PTPRQ: variants seen among roughly 807,000 people sequenced by gnomAD.
PTPRQ encodes the protein protein tyrosine phosphatase receptor type Q, also known as phosphatidylinositol phosphatase PTPRQ.
A neutral mutation model predicts 246.0 loss-of-function variants in PTPRQ; 199 were observed. The ratio of observed to expected loss-of-function variants is 0.81; its 90% CI spans 0.72 to 0.91. The LOEUF is 0.91. Among genes scored for constraint, PTPRQ ranks in the 40% least tolerant of loss-of-function variants. The probability of loss-of-function intolerance (pLI) is 0.00; values close to 1 mark genes in which losing one functional copy is unlikely to be tolerated. For synonymous variants in PTPRQ, 869 were observed against 853.2 expected, an observed-to-expected ratio of 1.02 and a Z score of -0.32; for missense variants, 2,624 against 2,528.4, an observed-to-expected ratio of 1.04 and a Z score of -0.81.
At chr12:80,577,317 T>C (rs1458840047) in intron 25 of PTPRQ, among the ~76,000 whole-genome samples, 1 of 151,886 alleles carries the variant, frequency 6.6e-6, no homozygotes, top group Non-Finnish European at 1.5e-5. Context: ...AACACCTCCT[T>C]CTTCACATGG....
rs1402877062 is a variant in PTPRQ at position 80,450,168 on chromosome 12, GCTCT to G, written c.390+4454_390+4457del. 2.0e-5 allele frequency among the ~76,000 whole-genome samples: 3 copies of G among 151,858 alleles called. No individual in the cohort carries two copies. In the East Asian group the frequency reaches 5.8e-4, roughly 29 times the overall value. On this transcript the variant is annotated intron_variant, in intron 3 of 44. Transcript: ENST00000644991. ...TGAATGGGAGTTCACTCATGATTTG[GCTCT>G]CTGTTTGTCTGTTATTGGTGTATAA...
chr12:80,641,499 T>C (rs1020279391), intron 35 of PTPRQ, among the ~76,000 whole-genome samples: 5 of 152,246 alleles, frequency 3.3e-5, no homozygotes, highest in Non-Finnish European at 5.9e-5. Flanking sequence ...AAGCCCGGTC[T>C]ATTTCTAATC....
At chr12:80,457,184 ACT>A (rs1216072571) in intron 3 of PTPRQ, among the ~76,000 whole-genome samples, 1 of 151,998 alleles carries the variant, frequency 6.6e-6, no homozygotes, top group Non-Finnish European at 1.5e-5. Flanking sequence ...TAGATTGTGA[ACT>A]CTAAATTAAG....
chr12:80,647,252 A>C (rs147685186), intron 35 of PTPRQ, among the ~76,000 whole-genome samples: 12 of 152,296 alleles, frequency 7.9e-5, no homozygotes, highest in Admixed American at 3.9e-4. Flanking sequence ...ACAATGGAAT[A>C]ATATTTGCTG....
At chr12:80,511,005 A>T (rs1159339932) in intron 17 of PTPRQ, among the ~76,000 whole-genome samples, 3 of 152,202 alleles carry the variant, frequency 2.0e-5, no homozygotes. Context: ...CTTCATGAGA[A>T]CTTGGTAGAT....
intron 38 of PTPRQ, among the ~76,000 whole-genome samples, chr12:80,653,683 A>G (rs1250983543): frequency 6.6e-6 from 1 of 152,172 alleles, no homozygotes; most frequent in African/African-American, 2.4e-5. Context: ...TTCTTTCTAG[A>G]AAGACGTAGA....
intron 35 of PTPRQ, among the ~76,000 whole-genome samples, chr12:80,646,052 C>T (rs1034199642): frequency 1.1e-4 from 16 of 152,000 alleles, no homozygotes; most frequent in African/African-American, 1.9e-4. Context: ...GTCTATCCAT[C>T]TTTGAGTAAA....
chr12:80,522,251 G>A (rs563100500), intron 17 of PTPRQ, among the ~76,000 whole-genome samples: 2 of 152,316 alleles, frequency 1.3e-5, no homozygotes, highest in East Asian at 3.9e-4. Flanking sequence ...ATCAGCTTAA[G>A]GAGACTTTGG....
chr12:80,619,707 T>C (rs1417922792), intron 31 of PTPRQ, among the ~76,000 whole-genome samples, 165 bp downstream of exon 31: 1 of 148,368 alleles, frequency 6.7e-6, no homozygotes, highest in Non-Finnish European at 1.5e-5. Context: ...TCTTTGTAAA[T>C]AAATAAATTA....
intron 17 of PTPRQ, among the ~76,000 whole-genome samples, chr12:80,527,309 A>T (rs1895716057): frequency 6.6e-6 from 1 of 152,136 alleles, no homozygotes; most frequent in Admixed American, 6.6e-5. Context: ...AATTTAATTT[A>T]CACCAAAGTT....
chr12:80,632,785 G>A (rs920901869), intron 34 of PTPRQ, among the ~76,000 whole-genome samples: 3 of 152,178 alleles, frequency 2.0e-5, no homozygotes, highest in Admixed American at 6.5e-5. Flanking sequence ...GAGCTGTTCC[G>A]TAGAAGCTAC....
At chr12:80,575,872 A>AAAAG (rs1565796029) in intron 25 of PTPRQ, among the ~76,000 whole-genome samples, 50 of 151,382 alleles carry the variant, frequency 3.3e-4, no homozygotes, top group African/African-American at 1.1e-3. Context: ...AAAGAAAAAG[A>AAAAG]AAAAGAAAAG....
intron 7 of PTPRQ, among the ~76,000 whole-genome samples, chr12:80,469,089 C>T (rs2120531955): frequency 6.6e-6 from 1 of 152,196 alleles, no homozygotes; most frequent in South Asian, 2.1e-4. Flanking sequence ...GAGATAACTC[C>T]TCAAGAAAAA....
In PTPRQ at chr12:80,534,169, G is replaced by A. The variant is rs1895921431; in HGVS notation, c.2833G>A (p.Glu945Lys). 2 of 1,529,982 alleles carry A rather than the reference G, an allele frequency of 1.3e-6. No homozygotes were observed. The highest frequency in any genetic ancestry group is 1.4e-5 in the African/African-American group (1 of 72,040). The allele number at this position is 1,529,982 out of a possible 1,614,324, so 94.8% of individuals were successfully genotyped here. Residue 945 changes from glutamate (E) to lysine (K), a missense_variant, in exon 18 of 45, where the codon GAG becomes AAG. Glu to Lys is a moderately conservative substitution (Grantham distance 56). Coordinates refer to ENST00000644991, the MANE Select transcript of PTPRQ (RefSeq NM_001145026.2). ...CAATATCATTAGCTTTCAAACACCA[G>A]AGGGAGGTGAGTTAAGGATGTATGC... ...RSNIISFQTP[E>K]GAPSDPPKDV...
chr12:80,455,831 C>G (rs544214898), intron 3 of PTPRQ, among the ~76,000 whole-genome samples: 1 of 152,106 alleles, frequency 6.6e-6, no homozygotes, highest in African/African-American at 2.4e-5. Flanking sequence ...GAACTCCTGA[C>G]CTCGTGATTC....
chr12:80,659,684 A>G (rs1274365125), intron 39 of PTPRQ, among the ~76,000 whole-genome samples: 1 of 152,106 alleles, frequency 6.6e-6, no homozygotes, highest in Non-Finnish European at 1.5e-5. Context: ...GCATACAACT[A>G]TGAGCAAATG....
At chr12:80,527,437 G>T (rs1258330601) in intron 17 of PTPRQ, among the ~76,000 whole-genome samples, 1 of 151,932 alleles carries the variant, frequency 6.6e-6, no homozygotes, top group East Asian at 1.9e-4. Context: ...ATTATGCTTT[G>T]CTCTCCCTTT....
At chr12:80,590,180 A>G (rs1897745695) in intron 26 of PTPRQ, among the ~76,000 whole-genome samples, 1 of 152,150 alleles carries the variant, frequency 6.6e-6, no homozygotes, top group South Asian at 2.1e-4. Flanking sequence ...AAATCCAGGC[A>G]CTGTTCCTTT....
Position 80,657,993 on chromosome 12 carries a change from A to G in PTPRQ, c.6124A>G (p.Asn2042Asp). 1 of 1,423,948 alleles carries G rather than the reference A, an allele frequency of 7.0e-7. No homozygotes were observed. Among genetic ancestry groups the G allele is most frequent in the Non-Finnish European group, 9.2e-7 (1 of 1,088,386 alleles). 88.2% of individuals were successfully genotyped at this position (1,423,948 alleles called of 1,614,324 possible). A position where few individuals can be genotyped will look rare whatever the true frequency, so the allele number is the denominator to read the frequency against. The change falls in exon 39 of 45, where the codon AAC becomes GAC. Residue 2042 changes from asparagine (N) to aspartate (D), a missense_variant. Transcript: ENST00000644991. ...RFPNIKPYNN[N>D]RVKLIADASV... ...CTTATATTTTCTTCTAGATAATAATAACAGAGTAAAGCTGATAGCTGACGC... is the reference window on the plus strand; with the variant it reads ...CTTATATTTTCTTCTAGATAATAATGACAGAGTAAAGCTGATAGCTGACGC...
Sources: allele counts gnomAD v4.1 joint callset (sites outside exome capture counted in the v4.1 genomes callset), GRCh38; gene constraint gnomAD v4.1.1; transcripts MANE v1.5; gene names NCBI Gene and HGNC (gene_info 2026-07-23, HGNC 2026-07-21).